Variants in POLR1F observed in about 807,000 individuals in gnomAD.
The protein encoded by POLR1F is DNA-directed RNA polymerase I subunit RPA43.
Under a neutral mutation model 21.8 loss-of-function variants are expected in POLR1F, and 23 were observed. That is an observed-to-expected ratio of 1.05 (90% CI 0.76 to 1.49). POLR1F has a LOEUF of 1.49. POLR1F is among the 40% of genes most tolerant of loss of function. POLR1F has a pLI of 0.00. For missense variants in POLR1F, 435 were observed against 412.1 expected (o/e 1.06, Z -0.48); for synonymous variants, 162 against 152.8 (o/e 1.06, Z -0.45).
intron 1 of POLR1F, among the ~76,000 whole-genome samples, chr7:19,707,977 C>A (rs1302998995): frequency 6.6e-6 from 1 of 152,136 alleles, no homozygotes; most frequent in East Asian, 1.9e-4. Flanking sequence ...AATCCATTCC[C>A]TCTAGTTTTA....
chr7:19,705,699 G>A (rs1207857000), intron 1 of POLR1F, among the ~76,000 whole-genome samples: 1 of 152,082 alleles, frequency 6.6e-6, no homozygotes, highest in East Asian at 1.9e-4. Flanking sequence ...CATGATTAAG[G>A]GACAACTATT....
intron 2 of POLR1F, among the ~76,000 whole-genome samples, chr7:19,700,796 G>A (rs1179691991): frequency 1.3e-5 from 2 of 152,172 alleles, no homozygotes; most frequent in Admixed American, 6.5e-5. Flanking sequence ...TTAGCATGAT[G>A]CAAGCATTCC....
At position 19,696,850 on chromosome 7, in the gene POLR1F, T is replaced by C. The variant is rs1299096688; in HGVS notation, c.*1466A>G. 1.3e-5 allele frequency: 2 copies of C among 152,142 alleles called. No homozygotes were observed. Among genetic ancestry groups the C allele is most frequent in the East Asian group, 1.9e-4 (1 of 5,202 alleles). 9.4% of individuals were successfully genotyped at this position (152,142 alleles called of 1,614,324 possible). A position where few individuals can be genotyped will look rare whatever the true frequency, so the allele number is the denominator to read the frequency against. On this transcript the variant is annotated 3_prime_UTR_variant, in exon 4 of 4. Transcript: ENST00000222567. ...TTAAAATCTGGTATGTATTTTATAC[T>C]GACAGCACATCTCAATTTGGACAAG...
rs1393449308 is a variant in POLR1F, at chr7:19,696,673, A to C, written c.*1643T>G. On this transcript the variant is annotated 3_prime_UTR_variant, in exon 4 of 4. Coordinates refer to ENST00000222567, the MANE Select transcript of POLR1F (RefSeq NM_001002926.2). ...CCTTTAAAATAGCACTGACCAAAAG[A>C]AAGTTAACATGAGCTTCATGTACAA... 6.6e-6 allele frequency: 1 copy of C among 152,094 alleles called. No homozygotes were observed. Among genetic ancestry groups the C allele is most frequent in the Non-Finnish European group, 1.5e-5 (1 of 67,950 alleles). 9.4% of individuals were successfully genotyped at this position (152,094 alleles called of 1,614,324 possible).
chr7:19,708,577 C>A (rs546256944), intron 1 of POLR1F, among the ~76,000 whole-genome samples, 186 bp downstream of exon 1: 1 of 152,254 alleles, frequency 6.6e-6, no homozygotes, highest in East Asian at 1.9e-4. Context: ...TGAAAGGGAC[C>A]CTGTATAGAT....
Position 19,708,962 on chromosome 7 carries a change from G to C in POLR1F, c.55C>G (p.Leu19Val). 6.2e-7 allele frequency: 1 copy of C among 1,607,154 alleles called. No homozygotes were observed. Among genetic ancestry groups the C allele is most frequent in the Non-Finnish European group, 8.5e-7 (1 of 1,175,832 alleles). The stretch of plus-strand genomic sequence containing the variant: ...GGCAGGACGCCAGCCTGCCCTACCA[G>C]AGACCCATCAGAAGCCGCCGCTGGC... ...PRPAAASDGS[L>V]VGQAGVLPCL... Residue 19 changes from leucine (L) to valine (V), a missense_variant, in exon 1 of 4, where the codon CTG (leucine) becomes GTG (valine). Leu to Val is a conservative substitution (Grantham distance 32, BLOSUM62 1). Transcript: ENST00000222567.
chr7:19,704,543 A>G (rs1408552611), intron 2 of POLR1F, among the ~76,000 whole-genome samples: 1 of 152,194 alleles, frequency 6.6e-6, no homozygotes, highest in Non-Finnish European at 1.5e-5. Context: ...TTCTGCTACT[A>G]TGAAAAGAAT....
intron 1 of POLR1F, among the ~76,000 whole-genome samples, chr7:19,708,523 C>T (rs1260032024): frequency 6.6e-6 from 1 of 152,190 alleles, no homozygotes; most frequent in Non-Finnish European, 1.5e-5. Flanking sequence ...TCCACTCCCT[C>T]CGCCCACACC....
At chr7:19,704,219 CAG>C (rs1490550849) in intron 2 of POLR1F, among the ~76,000 whole-genome samples, 3 of 152,120 alleles carry the variant, frequency 2.0e-5, no homozygotes, top group South Asian at 2.1e-4. Context: ...TGTATACACA[CAG>C]AGAACTGCTG....
intron 1 of POLR1F, among the ~76,000 whole-genome samples, chr7:19,706,140 T>C (rs542506308): frequency 6.6e-6 from 1 of 152,212 alleles, no homozygotes; most frequent in Non-Finnish European, 1.5e-5. Context: ...CCCTAACAGA[T>C]GTTGTTTAGT....
At chr7:19,706,376 CTT>C (rs1783524803) in intron 1 of POLR1F, among the ~76,000 whole-genome samples, 1 of 152,140 alleles carries the variant, frequency 6.6e-6, no homozygotes. Context: ...ATTATCAAGA[CTT>C]TATTTCCGCT....
rs748266110 is a variant in POLR1F at position 19,698,517 on chromosome 7, C to T, written c.816G>A (p.Glu272=). 3.7e-6 allele frequency: 6 copies of T among 1,604,986 alleles called. No homozygotes were observed. Among genetic ancestry groups the T allele is most frequent in the Non-Finnish European group, 5.1e-6 (6 of 1,177,874 alleles). ...TCTTCTTCTTTTTCTTTGGCTCCTC[C>T]TCCCAGATGCCATTCGCATTATTAG... ...QNTNNANGIW[E]EEPKKKKKKK... Residue 272 remains glutamate (E), a synonymous_variant, in exon 4 of 4, where the codon GAG becomes GAA. Coordinates refer to ENST00000222567, the MANE Select transcript of POLR1F (RefSeq NM_001002926.2).
chr7:19,706,046 A>G (rs1783520071), intron 1 of POLR1F, among the ~76,000 whole-genome samples: 1 of 152,100 alleles, frequency 6.6e-6, no homozygotes, highest in Non-Finnish European at 1.5e-5. Context: ...TTCACACATG[A>G]CTCTAAGGCC....
intron 1 of POLR1F, among the ~76,000 whole-genome samples, chr7:19,707,369 C>A (rs1263328908): frequency 6.6e-6 from 1 of 152,112 alleles, no homozygotes; most frequent in Non-Finnish European, 1.5e-5. Context: ...ACAACAACAA[C>A]CCCACCTTAC....
rs1261045253 is a variant in POLR1F, at chr7:19,698,742, T to G, written c.606-15A>C. On this transcript the variant is annotated splice_polypyrimidine_tract_variant and intron_variant, in intron 3 of 3. Transcript: ENST00000222567. Reference sequence around the variant, plus strand: ...TGAATTGTAAACTATAAATTAACAGTTAAAAAAATTAACAGAACAATAAGC... The same window carrying G: ...TGAATTGTAAACTATAAATTAACAGGTAAAAAAATTAACAGAACAATAAGC... 53 of 1,491,826 alleles carry G rather than the reference T, an allele frequency of 3.6e-5. No homozygotes were observed. The highest frequency in any genetic ancestry group is 4.7e-5 in the Non-Finnish European group (53 of 1,126,954). The allele number at this position is 1,491,826 out of a possible 1,614,324, so 92.4% of individuals were successfully genotyped here.
At chr7:19,705,327 G>C (rs1219295221) in intron 1 of POLR1F, 1 of 156,410 alleles carries the variant, frequency 6.4e-6, no homozygotes, top group East Asian at 1.9e-4. Flanking sequence ...CCCAATTAAT[G>C]CATTAGCAGT....
rs779084933 is a variant in POLR1F at position 19,698,348 on chromosome 7, G to C, written c.985C>G (p.Pro329Ala). The C allele has an allele frequency of 1.3e-6, 2 of 1,571,608 alleles. No homozygotes were observed. Among genetic ancestry groups the C allele is most frequent in the Admixed American group, 4.3e-5 (2 of 46,254 alleles). The change falls in exon 4 of 4, where the codon CCA becomes GCA. Residue 329 changes from proline (P) to alanine (A), a missense_variant. Transcript: ENST00000222567. ...AEFTPPLKCS[P>A]KRKGKSNFL ...AAATTACTTTTCCCTTTTCTTTTTG[G>C]TGAGCATTTCAAAGGTGGGGTAAAT...
chr7:19,698,271 G>A lies in POLR1F; in HGVS notation c.*45C>T. ...CACTGAAAACATTTATTCATCTATTGTATGTAGATCGATCTTTTAAAAACT... is the reference window on the plus strand; with the variant it reads ...CACTGAAAACATTTATTCATCTATTATATGTAGATCGATCTTTTAAAAACT... On this transcript the variant is annotated 3_prime_UTR_variant, in exon 4 of 4. Transcript: ENST00000222567. The A allele has an allele frequency of 6.7e-7, 1 of 1,497,414 alleles. No individual in the cohort carries two copies. The highest frequency in any genetic ancestry group is 1.4e-5 in the South Asian group (1 of 70,854). 92.8% of individuals were successfully genotyped at this position (1,497,414 alleles called of 1,614,324 possible).
rs1482060359 is a variant in POLR1F at position 19,696,914 on chromosome 7, T to C, written c.*1402A>G. The C allele has an allele frequency of 6.6e-6, 1 of 152,100 alleles. No homozygotes were observed. The highest frequency in any genetic ancestry group is 2.4e-5 in the African/African-American group (1 of 41,456). The allele number at this position is 152,100 out of a possible 1,614,324, so 9.4% of individuals were successfully genotyped here. A position where few individuals can be genotyped will look rare whatever the true frequency, so the allele number is the denominator to read the frequency against. The stretch of plus-strand genomic sequence containing the variant: ...GCTCAATAGTCACATGAATCTCAAT[T>C]GTAATCAAAGAGGTTGGCCTGCATC... On this transcript the variant is annotated 3_prime_UTR_variant, in exon 4 of 4. Transcript: ENST00000222567.
Sources: allele counts gnomAD v4.1 joint callset (sites outside exome capture counted in the v4.1 genomes callset), GRCh38; gene constraint gnomAD v4.1.1; transcripts MANE v1.5; gene names NCBI Gene and HGNC (gene_info 2026-07-23, HGNC 2026-07-21).